The following MYO1D variants were observed in gnomAD, a reference collection of about 807,000 sequenced individuals.
MYO1D encodes unconventional myosin-Id.
MYO1D carries 83 observed loss-of-function variants against 122.0 expected under a neutral mutation model. That is an observed-to-expected ratio of 0.68 (90% CI 0.57 to 0.82). The LOEUF is 0.82. Ranked by LOEUF, MYO1D falls within the 40% of genes least tolerant of loss-of-function variation. MYO1D has a pLI of 0.00. For missense variants in MYO1D, 1,157 were observed against 1,269.5 expected (o/e 0.91, Z 1.35); for synonymous variants, 464 against 446.9 (o/e 1.04, Z -0.48).
chr17:32,497,695 C>T lies in MYO1D; in HGVS notation c.2865-2780G>A, dbSNP rs141393054. ...AAGAGCAGACCACGCTCTGGAAGGT[C>T]CAAGCCGATCATGCACGAGTCAACA... On this transcript the variant is annotated intron_variant, in intron 21 of 21. Coordinates refer to ENST00000318217, the MANE Select transcript of MYO1D (RefSeq NM_015194.3). The T allele has an allele frequency of 6.3e-3, 964 of 152,518 alleles. 5 individuals carry two copies. Among genetic ancestry groups the T allele is most frequent in the Non-Finnish European group, 9.0e-3 (612 of 68,216 alleles). The allele number at this position is 152,518 out of a possible 1,614,324, so 9.4% of individuals were successfully genotyped here.
intron 1 of MYO1D, among the ~76,000 whole-genome samples, chr17:32,853,599 C>G (rs1159428773): frequency 6.6e-6 from 1 of 152,190 alleles, no homozygotes; most frequent in East Asian, 1.9e-4. Context: ...GTCTGTCTTT[C>G]CCTATAGACC....
intron 16 of MYO1D, among the ~76,000 whole-genome samples, chr17:32,678,916 A>T (rs1376943508): frequency 6.7e-6 from 1 of 149,854 alleles, no homozygotes; most frequent in Non-Finnish European, 1.5e-5. Flanking sequence ...CCTCTCCAGC[A>T]CCTGTTGTTT....
chr17:32,652,500 C>A (rs548844246), intron 19 of MYO1D, among the ~76,000 whole-genome samples: 1 of 151,968 alleles, frequency 6.6e-6, no homozygotes. Flanking sequence ...CTTGGATCAA[C>A]CTAGTTAATA....
intron 1 of MYO1D, among the ~76,000 whole-genome samples, chr17:32,848,375 A>G (rs2090956662): frequency 6.6e-6 from 1 of 152,250 alleles, no homozygotes; most frequent in Admixed American, 6.5e-5. Context: ...AAATATTGGT[A>G]AGTGAGTGAT....
intron 1 of MYO1D, among the ~76,000 whole-genome samples, chr17:32,862,011 T>A (rs999422470): frequency 3.3e-5 from 5 of 152,094 alleles, no homozygotes; most frequent in African/African-American, 1.2e-4. Context: ...GAGCCAGACC[T>A]TGTCTCAATA....
chr17:32,572,405 TC>T (rs1184594759), intron 21 of MYO1D, among the ~76,000 whole-genome samples: 1 of 151,968 alleles, frequency 6.6e-6, no homozygotes, highest in Non-Finnish European at 1.5e-5. Flanking sequence ...CACAAACAAA[TC>T]CTCTCTTTCC....
At chr17:32,541,431 G>C (rs1269305769) in intron 21 of MYO1D, among the ~76,000 whole-genome samples, 2 of 152,122 alleles carry the variant, frequency 1.3e-5, no homozygotes, top group Non-Finnish European at 2.9e-5. Flanking sequence ...GAGTTGGGTG[G>C]GGACTTTCAG....
chr17:32,503,961 T>C (rs2150854641), intron 21 of MYO1D, among the ~76,000 whole-genome samples: 1 of 152,314 alleles, frequency 6.6e-6, no homozygotes, highest in South Asian at 2.1e-4. Context: ...CAGTCACCTA[T>C]AAGGTGAGGC....
chr17:32,657,839 A>G lies in MYO1D; in HGVS notation c.2345+1276T>C, dbSNP rs80079541. Among the ~76,000 whole-genome samples, 920 of 152,354 alleles carry G rather than the reference A, an allele frequency of 6.0e-3. 33 individuals are homozygous for G. The East Asian group carries it at 0.072, about 12-fold the overall frequency. On this transcript the variant is annotated intron_variant, in intron 17 of 21. Coordinates refer to ENST00000318217, the MANE Select transcript of MYO1D (RefSeq NM_015194.3). ...TCAAAATCTAAATAGAAGACTGTAT[A>G]GGCTGTAGTGCAATCTAATCAAAAT...
At chr17:32,802,342 G>A (rs1417068020) in intron 1 of MYO1D, among the ~76,000 whole-genome samples, 2 of 152,150 alleles carry the variant, frequency 1.3e-5, no homozygotes, top group Admixed American at 1.3e-4. Flanking sequence ...TGGATGCAGA[G>A]ACAAATAGTT....
At chr17:32,803,905 G>A (rs1245770953) in intron 1 of MYO1D, among the ~76,000 whole-genome samples, 3 of 152,112 alleles carry the variant, frequency 2.0e-5, no homozygotes, top group African/African-American at 7.2e-5. Flanking sequence ...TGATTCAAGA[G>A]AACAAAGACT....
At chr17:32,679,393 G>A (rs868678211) in intron 16 of MYO1D, among the ~76,000 whole-genome samples, 2,909 of 151,778 alleles carry the variant, frequency 0.019, 83 homozygotes, top group African/African-American at 0.062. Context: ...ATGGTTTTAG[G>A]TCTAACGTTT....
intron 1 of MYO1D, among the ~76,000 whole-genome samples, chr17:32,788,633 C>T (rs984823733): frequency 6.6e-6 from 1 of 152,102 alleles, no homozygotes; most frequent in Non-Finnish European, 1.5e-5. Context: ...ATAGCAGTAC[C>T]ATGCTGTTTT....
rs200095662 is a variant in MYO1D at position 32,876,799 on chromosome 17, A to T, written c.74T>A (p.Phe25Tyr). 17 of 1,520,376 alleles carry T rather than the reference A, an allele frequency of 1.1e-5. No individual in the cohort carries two copies. Among genetic ancestry groups the T allele is most frequent in the Non-Finnish European group, 1.3e-5 (15 of 1,134,502 alleles). 94.2% of individuals were successfully genotyped at this position (1,520,376 alleles called of 1,614,324 possible). A position where few individuals can be genotyped will look rare whatever the true frequency, so the allele number is the denominator to read the frequency against. The part of the protein sequence containing the change: ...VLMDTVSMPE[F>Y]MANLRLRFEK... The stretch of plus-strand genomic sequence containing the variant: ...TCACCTGAGCCTGAGGTTGGCCATG[A>T]ACTCGGGCATGGAGACGGTGTCCAT... The change falls in exon 1 of 22, where the codon TTC becomes TAC. Residue 25 changes from phenylalanine to tyrosine, a missense_variant. Physicochemically the swap from Phe to Tyr is conservative, Grantham distance 22. Transcript: ENST00000318217.
chr17:32,761,565 A>G (rs1034257010), intron 8 of MYO1D, among the ~76,000 whole-genome samples: 6 of 152,090 alleles, frequency 3.9e-5, no homozygotes, highest in African/African-American at 1.4e-4. Context: ...CTGACTTGTA[A>G]AAGTTGGAGT....
rs574329707 is a variant in MYO1D, at chr17:32,503,357, C to T, written c.2865-8442G>A. Reference sequence around the variant, plus strand: ...CAGCTGGGATTAGGAGACTGTCATTCGCCGACCTGCCCTGCCCCTGCAGAA... The same window carrying T: ...CAGCTGGGATTAGGAGACTGTCATTTGCCGACCTGCCCTGCCCCTGCAGAA... On this transcript the variant is annotated intron_variant, in intron 21 of 21. Transcript: ENST00000318217. Among the ~76,000 whole-genome samples the T allele has an allele frequency of 5.3e-5, 8 of 152,314 alleles. No individual in the cohort carries two copies. In the South Asian group the frequency reaches 6.2e-4, roughly 12 times the overall value.
chr17:32,524,776 T>G (rs765484612), intron 21 of MYO1D, among the ~76,000 whole-genome samples: 1 of 152,194 alleles, frequency 6.6e-6, no homozygotes, highest in Non-Finnish European at 1.5e-5. Flanking sequence ...TTGGTTAGGC[T>G]GGTCTTGAAC....
rs575009243 is a variant in MYO1D, at chr17:32,819,275, C to G, written c.96-38491G>C. The stretch of plus-strand genomic sequence containing the variant: ...GAGGCTATGCTAGCTTGGTTATAAG[C>G]AGGGAAGTTGGCTGTGAGGAGATAA... On this transcript the variant is annotated intron_variant, in intron 1 of 21. Transcript: ENST00000318217. Among the ~76,000 whole-genome samples the G allele has an allele frequency of 2.0e-5, 3 of 151,398 alleles. No homozygotes were observed. The East Asian group carries it at 5.8e-4, about 29-fold the overall frequency.
chr17:32,658,970 A>G, intron 17 of MYO1D, 145 bp downstream of exon 17: 1 of 825,168 alleles, frequency 1.2e-6, no homozygotes, highest in South Asian at 1.8e-5. Context: ...TTGAAAGCCA[A>G]ATCTACAAAA....
Sources: gnomAD v4.1 joint callset for allele counts (sites outside exome capture counted in the v4.1 genomes callset) on GRCh38, gnomAD v4.1.1 for gene constraint, MANE v1.5 for transcripts, NCBI Gene and HGNC (gene_info 2026-07-23, HGNC 2026-07-21) for gene names.